The following RAP1A variants were observed in gnomAD, a reference collection of about 807,000 sequenced individuals.
RAP1A encodes the protein RAP1A, member of RAS oncogene family, also known as ras-related protein Rap-1A.
RAP1A carries 6 observed loss-of-function variants against 26.4 expected under a neutral mutation model. That is an observed-to-expected ratio of 0.23 (90% CI 0.12 to 0.45). The LOEUF (loss-of-function observed/expected upper bound fraction) is 0.45, where lower values mean the gene tolerates loss of function less well. RAP1A is among the 20% of genes least tolerant of loss of function. The probability of loss-of-function intolerance (pLI) is 0.99; values close to 1 mark genes in which losing one functional copy is unlikely to be tolerated. For missense variants in RAP1A, 121 were observed against 217.2 expected, an observed-to-expected ratio of 0.56 and a Z score of 2.78; for synonymous variants, 73 against 79.4, an observed-to-expected ratio of 0.92 and a Z score of 0.43.
At chr1:111,552,903 T>A (rs535329937) in intron 1 of RAP1A, among the ~76,000 whole-genome samples, 4 of 152,336 alleles carry the variant, frequency 2.6e-5, no homozygotes, top group Admixed American at 2.6e-4. Flanking sequence ...CAAAAATTGT[T>A]AGGCACTAAA....
At chr1:111,708,140 C>T (rs1477350951) in intron 6 of RAP1A, among the ~76,000 whole-genome samples, 2 of 152,222 alleles carry the variant, frequency 1.3e-5, no homozygotes, top group Admixed American at 6.5e-5. Flanking sequence ...CACCACTGCA[C>T]TCCAGCCTGC....
intron 1 of RAP1A, among the ~76,000 whole-genome samples, chr1:111,623,781 T>C (rs1659300526): frequency 1.3e-5 from 2 of 152,246 alleles, no homozygotes; most frequent in African/African-American, 4.8e-5. Context: ...TAGAAAACTA[T>C]ACCACTGTGA....
chr1:111,687,660 A>G (rs1307192356), intron 1 of RAP1A, among the ~76,000 whole-genome samples: 1 of 152,178 alleles, frequency 6.6e-6, no homozygotes, highest in Non-Finnish European at 1.5e-5. Flanking sequence ...TACTATTGTA[A>G]TATATTTTAC....
At chr1:111,615,590 TG>T (rs981449846), upstream of RAP1A, among the ~76,000 whole-genome samples, 2 of 152,116 alleles carry the variant, frequency 1.3e-5, no homozygotes, top group African/African-American at 4.8e-5. Context: ...CCCAGCACTT[TG>T]GGAGGCTGAG....
At chr1:111,711,202 T>G (rs1224028635) in intron 7 of RAP1A, among the ~76,000 whole-genome samples, 1 of 152,110 alleles carries the variant, frequency 6.6e-6, no homozygotes, top group Non-Finnish European at 1.5e-5. Context: ...GTGTATGTAT[T>G]TGTTTAGGTA....
At chr1:111,576,742 C>A (rs1658153148) in intron 1 of RAP1A, among the ~76,000 whole-genome samples, 1 of 152,154 alleles carries the variant, frequency 6.6e-6, no homozygotes, top group Admixed American at 6.5e-5. Flanking sequence ...GTGTTGGTGC[C>A]AGCTTGGAGG....
At chr1:111,625,219 C>T (rs1253638014) in intron 1 of RAP1A, among the ~76,000 whole-genome samples, 12 of 152,132 alleles carry the variant, frequency 7.9e-5, no homozygotes, top group African/African-American at 2.4e-4. Context: ...TACTCCTTCA[C>T]GGTTTTTTGC....
chr1:111,600,125 C>A (rs1272916277), intron 1 of RAP1A: 1 of 152,192 alleles, frequency 6.6e-6, no homozygotes, highest in Non-Finnish European at 1.5e-5. Flanking sequence ...AATAAAACAT[C>A]TTTTTAAAAA....
At chr1:111,636,725 G>A (rs548208361) in intron 1 of RAP1A, among the ~76,000 whole-genome samples, 4 of 152,130 alleles carry the variant, frequency 2.6e-5, no homozygotes, top group Admixed American at 1.3e-4. Context: ...TGATCCACCC[G>A]CCTTGGCCTC....
chr1:111,653,410 G>C (rs931025461), intron 1 of RAP1A, among the ~76,000 whole-genome samples: 1 of 152,090 alleles, frequency 6.6e-6, no homozygotes, highest in African/African-American at 2.4e-5. Context: ...GGCCAGGCGC[G>C]GTGGCTCACG....
chr1:111,589,622 T>C (rs993995488), intron 1 of RAP1A, among the ~76,000 whole-genome samples: 3 of 152,218 alleles, frequency 2.0e-5, no homozygotes. Context: ...GTTTAAATAC[T>C]AAGTCCAACT....
intron 1 of RAP1A, among the ~76,000 whole-genome samples, chr1:111,581,924 G>A (rs753749126): frequency 6.6e-6 from 1 of 152,190 alleles, no homozygotes; most frequent in Non-Finnish European, 1.5e-5. Context: ...ACCACACTCT[G>A]GTGAGTGAGA....
At chr1:111,683,051 C>T (rs928020124) in intron 1 of RAP1A, among the ~76,000 whole-genome samples, 1 of 152,148 alleles carries the variant, frequency 6.6e-6, no homozygotes, top group Non-Finnish European at 1.5e-5. Flanking sequence ...AACTGAACAA[C>T]CTGCTCCTGA....
intron 1 of RAP1A, among the ~76,000 whole-genome samples, chr1:111,596,911 A>T (rs1005323259): frequency 1.3e-5 from 2 of 152,240 alleles, no homozygotes; most frequent in Non-Finnish European, 2.9e-5. Context: ...ATTTGGGGTT[A>T]GGGGGTCATA....
chr1:111,682,409 A>G (rs946134472), intron 1 of RAP1A, among the ~76,000 whole-genome samples: 1 of 151,632 alleles, frequency 6.6e-6, no homozygotes, highest in African/African-American at 2.4e-5. Context: ...AAGACCCATC[A>G]GTGTGCTGTA....
intron 1 of RAP1A, among the ~76,000 whole-genome samples, chr1:111,569,943 G>A (rs1472708335): frequency 1.3e-5 from 2 of 152,178 alleles, no homozygotes; most frequent in East Asian, 3.9e-4. Context: ...AGTCTCTGTG[G>A]TATTCCTTCC....
intron 1 of RAP1A, among the ~76,000 whole-genome samples, chr1:111,583,950 G>C (rs1044448029): frequency 6.9e-6 from 1 of 145,594 alleles, no homozygotes; most frequent in Non-Finnish European, 1.5e-5. Flanking sequence ...GCGCGATCTC[G>C]GCTCACTGCA....
At chr1:111,613,929 T>C (rs527818744) in intron 1 of RAP1A, among the ~76,000 whole-genome samples, 1 of 152,328 alleles carries the variant, frequency 6.6e-6, no homozygotes, top group African/African-American at 2.4e-5. Context: ...GCTTATATTC[T>C]CTCTCTCTAC....
chr1:111,695,523 C>A, intron 3 of RAP1A, 114 bp downstream of exon 3: 1 of 687,028 alleles, frequency 1.5e-6, no homozygotes, highest in South Asian at 2.7e-5. Flanking sequence ...AAATATTGTG[C>A]ATCTGTTTTT....
Sources: allele counts gnomAD v4.1 joint callset (sites outside exome capture counted in the v4.1 genomes callset), GRCh38; gene constraint gnomAD v4.1.1; transcripts MANE v1.5; gene names NCBI Gene and HGNC (gene_info 2026-07-23, HGNC 2026-07-21).